Variants in SYNPR observed in about 807,000 individuals in gnomAD.
The protein encoded by SYNPR is synaptoporin.
A neutral mutation model predicts 32.9 loss-of-function variants in SYNPR; 23 were observed. That is an observed-to-expected ratio of 0.70 (90% CI 0.50 to 0.99). SYNPR has a LOEUF of 0.99. SYNPR is among the 50% of genes least tolerant of loss of function. The probability of loss-of-function intolerance (pLI) is 0.00; values close to 1 mark genes in which losing one functional copy is unlikely to be tolerated. For synonymous variants in SYNPR, 146 were observed against 135.9 expected, an observed-to-expected ratio of 1.07 and a Z score of -0.52; for missense variants, 318 against 349.3, an observed-to-expected ratio of 0.91 and a Z score of 0.71.
intron 1 of SYNPR, among the ~76,000 whole-genome samples, chr3:63,243,562 G>A (rs1046123399): frequency 6.6e-6 from 1 of 152,080 alleles, no homozygotes; most frequent in African/African-American, 2.4e-5. Flanking sequence ...AGTCATAAAT[G>A]ATTCTTCCAA....
chr3:63,406,095 A>G (rs1475704237), intron 2 of SYNPR, among the ~76,000 whole-genome samples: 1 of 152,094 alleles, frequency 6.6e-6, no homozygotes, highest in Non-Finnish European at 1.5e-5. Flanking sequence ...GGATTTGGGC[A>G]CTAGCAGTCT....
chr3:63,324,747 C>T (rs1038380796), intron 2 of SYNPR, among the ~76,000 whole-genome samples: 2 of 152,088 alleles, frequency 1.3e-5, no homozygotes, highest in African/African-American at 4.8e-5. Context: ...CACCAGGCAG[C>T]AAGTTGAGCT....
At chr3:63,403,896 G>A (rs546583426) in intron 2 of SYNPR, among the ~76,000 whole-genome samples, 13 of 152,284 alleles carry the variant, frequency 8.5e-5, no homozygotes, top group African/African-American at 2.4e-4. Flanking sequence ...ATCCTTGATC[G>A]ACCACAACAC....
intron 2 of SYNPR, among the ~76,000 whole-genome samples, chr3:63,315,825 G>A (rs2087034875): frequency 6.6e-6 from 1 of 151,926 alleles, no homozygotes; most frequent in African/African-American, 2.4e-5. Context: ...CCAGTTCTCA[G>A]AGGGAACGCT....
chr3:63,599,444 A>G (rs1321636902), intron 4 of SYNPR, among the ~76,000 whole-genome samples: 1 of 151,096 alleles, frequency 6.6e-6, no homozygotes, highest in Non-Finnish European at 1.5e-5. Flanking sequence ...ACATACACAA[A>G]TACTTATCAT....
At chr3:63,469,848 T>C (rs1171794745) in intron 2 of SYNPR, among the ~76,000 whole-genome samples, 1 of 152,214 alleles carries the variant, frequency 6.6e-6, no homozygotes, top group African/African-American at 2.4e-5. Context: ...TCTGTAAATA[T>C]AATAAATTTG....
chr3:63,408,954 G>T (rs1027914129), intron 2 of SYNPR, among the ~76,000 whole-genome samples: 3 of 152,068 alleles, frequency 2.0e-5, no homozygotes, highest in Non-Finnish European at 2.9e-5. Flanking sequence ...TCTTCATGGA[G>T]TCTCTCCTGT....
chr3:63,347,875 TTGTG>T (rs10597535), intron 2 of SYNPR, among the ~76,000 whole-genome samples: 10,754 of 144,268 alleles, frequency 0.075, 394 homozygotes, highest in African/African-American at 0.1. Flanking sequence ...TAGTATTCCA[TTGTG>T]TGTGTGTGTG....
chr3:63,262,815 T>G (rs2086450350), intron 2 of SYNPR, among the ~76,000 whole-genome samples: 1 of 152,170 alleles, frequency 6.6e-6, no homozygotes, highest in Non-Finnish European at 1.5e-5. Context: ...CTAGCTGAGT[T>G]AGAGACCACC....
At chr3:63,318,932 C>T (rs1166367732) in intron 2 of SYNPR, among the ~76,000 whole-genome samples, 1 of 151,992 alleles carries the variant, frequency 6.6e-6, no homozygotes, top group East Asian at 1.9e-4. Context: ...TGTTCAGATT[C>T]TTTTGTCCTA....
chr3:63,561,012 G>A (rs1015274429), intron 4 of SYNPR, among the ~76,000 whole-genome samples: 1 of 152,140 alleles, frequency 6.6e-6, no homozygotes, highest in Non-Finnish European at 1.5e-5. Context: ...AAAAATTTAT[G>A]TAATTTGTGA....
At chr3:63,529,203 C>G (rs1314692735) in intron 3 of SYNPR, among the ~76,000 whole-genome samples, 1 of 152,162 alleles carries the variant, frequency 6.6e-6, no homozygotes. Flanking sequence ...TGCTCAAGTC[C>G]CTAGCATAAA....
At chr3:63,203,068 G>GTATGTATATATATATATATATA in the SYNPR span, 1 of 108,594 alleles carries the variant, frequency 9.2e-6, no homozygotes, top group African/African-American at 4.6e-5. Flanking sequence ...ATATGTATGT[G>GTATGTATATATATATATATATA]TATATATATA....
chr3:63,326,289 G>A (rs1484739829), intron 2 of SYNPR, among the ~76,000 whole-genome samples: 1 of 151,688 alleles, frequency 6.6e-6, no homozygotes, highest in Admixed American at 6.6e-5. Flanking sequence ...TGATTGTGGA[G>A]GATGAGCTCT....
At chr3:63,353,652 G>A in intron 2 of SYNPR, among the ~76,000 whole-genome samples, 1 of 152,128 alleles carries the variant, frequency 6.6e-6, no homozygotes, top group East Asian at 1.9e-4. Context: ...TCTTGCAAGT[G>A]CCACTTTAAG....
At chr3:63,530,604 T>A (rs574957366) in intron 3 of SYNPR, among the ~76,000 whole-genome samples, 1 of 152,112 alleles carries the variant, frequency 6.6e-6, no homozygotes, top group African/African-American at 2.4e-5. Flanking sequence ...CTTCTAGGGG[T>A]GCTTCTCAAG....
chr3:63,268,630 T>G (rs955956915), intron 3 of SYNPR, among the ~76,000 whole-genome samples: 1 of 152,182 alleles, frequency 6.6e-6, no homozygotes, highest in Non-Finnish European at 1.5e-5. Context: ...CATAAAGGTT[T>G]TCATCCTTGT....
intron 1 of SYNPR, among the ~76,000 whole-genome samples, chr3:63,251,900 G>A (rs574073243): frequency 6.6e-6 from 1 of 151,958 alleles, no homozygotes; most frequent in Non-Finnish European, 1.5e-5. Flanking sequence ...GACTACTCAG[G>A]AGAATAGAAT....
chr3:63,361,661 T>A (rs2087663692), intron 2 of SYNPR, among the ~76,000 whole-genome samples: 1 of 151,658 alleles, frequency 6.6e-6, no homozygotes, highest in Admixed American at 6.6e-5. Context: ...TCAGTTTATA[T>A]TACCTCCTCA....
Sources: allele counts gnomAD v4.1 joint callset (sites outside exome capture counted in the v4.1 genomes callset), GRCh38; gene constraint gnomAD v4.1.1; transcripts MANE v1.5; gene names NCBI Gene and HGNC (gene_info 2026-07-23, HGNC 2026-07-21).